Variants in GTF3C5 observed in about 807,000 individuals in gnomAD.
GTF3C5 encodes general transcription factor 3C polypeptide 5.
A neutral mutation model predicts 61.0 loss-of-function variants in GTF3C5; 47 were observed. The observed-to-expected ratio is 0.77, with a 90% CI of 0.61 to 0.98. The LOEUF (loss-of-function observed/expected upper bound fraction) is 0.98. Among genes scored for constraint, GTF3C5 ranks in the 50% least tolerant of loss-of-function variants. The probability of loss-of-function intolerance (pLI) is 0.00; values close to 1 mark genes in which losing one functional copy is unlikely to be tolerated. For synonymous variants in GTF3C5, 295 were observed against 275.4 expected (o/e 1.07, Z -0.71); for missense variants, 659 against 703.3 (o/e 0.94, Z 0.71).
Position 133,043,876 on chromosome 9 carries a change from C to A in GTF3C5, c.522C>A (p.Ser174=). The A allele has an allele frequency of 6.2e-7, 1 of 1,614,160 alleles. No homozygotes were observed. Among genetic ancestry groups the A allele is most frequent in the Non-Finnish European group, 8.5e-7 (1 of 1,180,014 alleles). ...LPLYIPPPIF[S]RLDAPVDYFY... is the part of the protein sequence containing the mutation. ...TCTACATCCCCCCACCCATCTTCTC[C>A]CGGCTGGACGCCCCGGTGGACTACT... The change falls in exon 3 of 11, where the codon TCC becomes TCA. Residue 174 remains serine (S), a synonymous_variant. Coordinates refer to ENST00000372097, the MANE Select transcript of GTF3C5 (RefSeq NM_012087.4).
chr9:133,032,912 C>T (rs1162021482), intron 1 of GTF3C5, among the ~76,000 whole-genome samples: 1 of 152,166 alleles, frequency 6.6e-6, no homozygotes, highest in Non-Finnish European at 1.5e-5. Flanking sequence ...CCGTCAGGAA[C>T]AGTATTATTT....
chr9:133,045,751 C>T (rs1850184124), intron 3 of GTF3C5, among the ~76,000 whole-genome samples: 1 of 152,204 alleles, frequency 6.6e-6, no homozygotes, highest in African/African-American at 2.4e-5. Context: ...ATTCTCCTAC[C>T]TCAGCCTCCT....
chr9:133,056,369 G>A (rs970120835), intron 9 of GTF3C5, among the ~76,000 whole-genome samples: 5 of 152,190 alleles, frequency 3.3e-5, no homozygotes, highest in Non-Finnish European at 7.3e-5. Context: ...CCATGAGGTG[G>A]TTCTCAATCC....
chr9:133,031,624 C>T (rs1289223650), intron 1 of GTF3C5, among the ~76,000 whole-genome samples: 1 of 152,184 alleles, frequency 6.6e-6, no homozygotes, highest in African/African-American at 2.4e-5. Flanking sequence ...AAACAGTTTT[C>T]TCAGCAAGGC....
intron 3 of GTF3C5, among the ~76,000 whole-genome samples, chr9:133,046,656 G>A (rs1228882611): frequency 6.6e-6 from 1 of 152,170 alleles, no homozygotes; most frequent in Non-Finnish European, 1.5e-5. Flanking sequence ...GCAGTGCAGG[G>A]GCGGGGAGCT....
At chr9:133,035,174 C>T in intron 1 of GTF3C5, among the ~76,000 whole-genome samples, 1 of 152,102 alleles carries the variant, frequency 6.6e-6, no homozygotes, top group East Asian at 1.9e-4. Flanking sequence ...ATCTGTTAAA[C>T]CTGGGTATAA....
At chr9:133,045,323 G>A (rs963401200) in intron 3 of GTF3C5, among the ~76,000 whole-genome samples, 1 of 152,140 alleles carries the variant, frequency 6.6e-6, no homozygotes, top group African/African-American at 2.4e-5. Context: ...TCAGCGCCAC[G>A]TCCCGCCGGC....
chr9:133,053,740 C>A, intron 5 of GTF3C5, 88 bp from the exon 6 acceptor site: 1 of 762,944 alleles, frequency 1.3e-6, no homozygotes, highest in Non-Finnish European at 2.2e-6. Context: ...AGCTCCTGAG[C>A]TCTTCTGCTG....
chr9:133,053,944 T>C lies in GTF3C5; in HGVS notation c.988+2T>C, dbSNP rs1232823213. On this transcript the variant is annotated splice_donor_variant, in intron 6 of 10. Transcript: ENST00000372097. LOFTEE classifies it high-confidence loss of function. ...GAATCCGTTGTGGAATGAAACACGG[T>C]AAAAATTCCTGAAAGCTTTGCTTCC... The C allele has an allele frequency of 6.4e-7, 1 of 1,563,706 alleles. No homozygotes were observed. The highest frequency in any genetic ancestry group is 1.4e-5 in the African/African-American group (1 of 73,816).
intron 1 of GTF3C5, among the ~76,000 whole-genome samples, chr9:133,034,853 A>G (rs1849821847): frequency 6.6e-6 from 1 of 152,192 alleles, no homozygotes; most frequent in Non-Finnish European, 1.5e-5. Flanking sequence ...CAAACGTAGC[A>G]ATGTCAGCAA....
chr9:133,049,398 AGTTT>A (rs1422983503), intron 3 of GTF3C5, among the ~76,000 whole-genome samples: 5 of 152,212 alleles, frequency 3.3e-5, no homozygotes, highest in Admixed American at 3.3e-4. Flanking sequence ...CCGTCTTTCT[AGTTT>A]TGTTTCACAA....
chr9:133,039,659 C>CAAGTA (rs1253206653), intron 1 of GTF3C5, among the ~76,000 whole-genome samples: 4 of 152,318 alleles, frequency 2.6e-5, no homozygotes, highest in Non-Finnish European at 5.9e-5. Context: ...CCTGCCTTGG[C>CAAGTA]TTCCCAAAGG....
intron 3 of GTF3C5, among the ~76,000 whole-genome samples, chr9:133,044,674 G>T (rs1325880683): frequency 1.3e-5 from 2 of 152,134 alleles, no homozygotes; most frequent in East Asian, 3.9e-4. Flanking sequence ...GGTCGCTTCA[G>T]AGAACCCCTG....
intron 1 of GTF3C5, among the ~76,000 whole-genome samples, chr9:133,040,789 A>AG (rs1367469115): frequency 6.6e-6 from 1 of 152,218 alleles, no homozygotes; most frequent in African/African-American, 2.4e-5. Context: ...GTGGGTGGCA[A>AG]GCCACCCAGG....
rs1420404686 is a variant in GTF3C5, at chr9:133,057,867, G to C, written c.1447G>C (p.Glu483Gln). ...ADGGKEQLTY[E>Q]SGEDEEDEEE... Reference sequence around the variant, plus strand: ...TGGCGGAAAAGAGCAGCTGACGTACGAGTCTGGGGAAGACGAGGAGGATGA... The same window carrying C: ...TGGCGGAAAAGAGCAGCTGACGTACCAGTCTGGGGAAGACGAGGAGGATGA... Residue 483 changes from glutamate to glutamine, a missense_variant, in exon 11 of 11, where the codon GAG (glutamate) becomes CAG (glutamine). Glu to Gln is a conservative substitution (Grantham distance 29). Transcript: ENST00000372097. The C allele has an allele frequency of 5.6e-6, 9 of 1,613,660 alleles. No individual in the cohort carries two copies. The highest frequency in any genetic ancestry group is 7.6e-6 in the Non-Finnish European group (9 of 1,179,930).
chr9:133,049,912 G>GCA (rs1850319841), intron 3 of GTF3C5, among the ~76,000 whole-genome samples: 1 of 152,164 alleles, frequency 6.6e-6, no homozygotes, highest in Admixed American at 6.6e-5. Context: ...CTTGTTACCA[G>GCA]TGGATGAACC....
intron 1 of GTF3C5, among the ~76,000 whole-genome samples, chr9:133,032,017 T>C (rs568804227): frequency 2.0e-5 from 3 of 152,154 alleles, no homozygotes; most frequent in Non-Finnish European, 4.4e-5. Context: ...CTGAACATAC[T>C]GACATATTGG....
At chr9:133,050,727 C>A in intron 3 of GTF3C5, 56 bp from the exon 4 acceptor site, 1 of 1,327,440 alleles carries the variant, frequency 7.5e-7, no homozygotes, top group Non-Finnish European at 1.1e-6. Context: ...TCTGGCCCAG[C>A]GGGTGCCTGG....
At position 133,032,903 on chromosome 9, in the gene GTF3C5, C is replaced by T. The variant is rs149276658; in HGVS notation, c.153+1739C>T. 3.3e-3 allele frequency among the ~76,000 whole-genome samples: 497 copies of T among 152,240 alleles called. 4 individuals are homozygous for T. The highest frequency in any genetic ancestry group is 7.5e-3 in the South Asian group (36 of 4,822). On this transcript the variant is annotated intron_variant, in intron 1 of 10. Coordinates refer to ENST00000372097, the MANE Select transcript of GTF3C5 (RefSeq NM_012087.4). ...CCTTGCAGTGCCTTTGTTATGGTTCCGTCAGGAACAGTATTATTTGGGATA... is the reference window on the plus strand; with the variant it reads ...CCTTGCAGTGCCTTTGTTATGGTTCTGTCAGGAACAGTATTATTTGGGATA...
Sources: allele counts gnomAD v4.1 joint callset (sites outside exome capture counted in the v4.1 genomes callset), GRCh38; gene constraint gnomAD v4.1.1; transcripts MANE v1.5; gene names NCBI Gene and HGNC (gene_info 2026-07-23, HGNC 2026-07-21).